The following MSH4 variants were observed in gnomAD, a reference collection of about 807,000 sequenced individuals.
MSH4 encodes the protein mutS homolog 4.
MSH4 carries 106 observed loss-of-function variants against 113.7 expected under a neutral mutation model. The ratio of observed to expected loss-of-function variants is 0.93; its 90% CI spans 0.80 to 1.10. The LOEUF (loss-of-function observed/expected upper bound fraction) is 1.10, where lower values mean the gene tolerates loss of function less well. MSH4 is among the 50% of genes least tolerant of loss of function. The pLI is 0.00. For missense variants in MSH4, 1,061 were observed against 1,093.7 expected (o/e 0.97, Z 0.42); for synonymous variants, 368 against 380.2 (o/e 0.97, Z 0.37).
intron 12 of MSH4, 92 bp from the exon 13 acceptor site, chr1:75,879,958 T>C (rs906890019): frequency 1.1e-5 from 7 of 656,440 alleles, no homozygotes; most frequent in African/African-American, 1.9e-5. Flanking sequence ...GTAAAATGAT[T>C]AACCTAAATA....
chr1:75,800,591 TA>T (rs199743555), intron 1 of MSH4, among the ~76,000 whole-genome samples: 6 of 150,588 alleles, frequency 4.0e-5, no homozygotes, highest in Non-Finnish European at 7.4e-5. Context: ...TTAGTGATGT[TA>T]AAAAAAAAGA....
At chr1:75,817,234 G>A (rs1240991695) in intron 6 of MSH4, among the ~76,000 whole-genome samples, 1 of 152,144 alleles carries the variant, frequency 6.6e-6, no homozygotes, top group Non-Finnish European at 1.5e-5. Flanking sequence ...GAACTTAATA[G>A]ACATTTTCAC....
intron 7 of MSH4, among the ~76,000 whole-genome samples, chr1:75,842,020 A>C (rs1650969787): frequency 1.3e-5 from 2 of 152,226 alleles, no homozygotes; most frequent in Non-Finnish European, 2.9e-5. Context: ...CATGTGCCCA[A>C]GATAGTCGGA....
At chr1:75,891,719 G>T (rs923712850) in intron 17 of MSH4, among the ~76,000 whole-genome samples, 1 of 152,118 alleles carries the variant, frequency 6.6e-6, no homozygotes, top group African/African-American at 2.4e-5. Flanking sequence ...CTCCCAAAGT[G>T]CTGTGATTGC....
chr1:75,881,365 A>G lies in MSH4; in HGVS notation c.1901A>G (p.Asp634Gly). Residue 634 changes from aspartate (D) to glycine (G), a missense_variant, in exon 14 of 20, where the codon GAC (aspartate) becomes GGC (glycine). Asp to Gly is a moderately conservative substitution (Grantham distance 94). Coordinates refer to ENST00000263187, the MANE Select transcript of MSH4 (RefSeq NM_002440.4). ...TTTGCTCATGCCTGCACTCTTTCTGACTATGGTAAGTTGCTTTCTTTGGAA... is the reference window on the plus strand; with the variant it reads ...TTTGCTCATGCCTGCACTCTTTCTGGCTATGGTAAGTTGCTTTCTTTGGAA... ...LSFAHACTLS[D>G]YVRPEFTDTL... 1 of 1,610,972 alleles carries G rather than the reference A, an allele frequency of 6.2e-7. No individual in the cohort carries two copies. The highest frequency in any genetic ancestry group is 8.5e-7 in the Non-Finnish European group (1 of 1,178,876).
intron 7 of MSH4, among the ~76,000 whole-genome samples, chr1:75,830,036 T>G (rs1650646975): frequency 6.6e-6 from 1 of 151,890 alleles, no homozygotes; most frequent in African/African-American, 2.4e-5. Flanking sequence ...AGCTAAAAAC[T>G]TTGAAAAAAG....
At chr1:75,832,198 A>C (rs1188273011) in intron 7 of MSH4, among the ~76,000 whole-genome samples, 2 of 152,194 alleles carry the variant, frequency 1.3e-5, no homozygotes, top group Non-Finnish European at 1.5e-5. Flanking sequence ...GAAATGGATA[A>C]ATTCCCGGAG....
chr1:75,858,558 G>A (rs1320635801), intron 8 of MSH4, among the ~76,000 whole-genome samples: 1 of 152,106 alleles, frequency 6.6e-6, no homozygotes, highest in Middle Eastern at 3.2e-3. Flanking sequence ...TTTTTGTGAT[G>A]GATTATGTTT....
At chr1:75,888,986 C>T (rs5745498) in intron 15 of MSH4, among the ~76,000 whole-genome samples, 3,807 of 151,662 alleles carry the variant, frequency 0.025, 71 homozygotes, top group Non-Finnish European at 0.036. Context: ...GCTCCGCCTC[C>T]CGGGTTCACG....
intron 15 of MSH4, among the ~76,000 whole-genome samples, chr1:75,885,415 C>T (rs1570988241): frequency 8.3e-6 from 1 of 119,886 alleles, no homozygotes; most frequent in Admixed American, 1.1e-4. Flanking sequence ...CCACCTCCCA[C>T]CTCAGTTGGT....
intron 9 of MSH4, among the ~76,000 whole-genome samples, chr1:75,872,808 C>G (rs1208729427): frequency 6.6e-6 from 1 of 152,240 alleles, no homozygotes; most frequent in Non-Finnish European, 1.5e-5. Flanking sequence ...GATTGAGCAT[C>G]TGCTGATCAT....
intron 8 of MSH4, among the ~76,000 whole-genome samples, chr1:75,853,601 G>A (rs1182568947): frequency 6.6e-6 from 1 of 151,962 alleles, no homozygotes; most frequent in Non-Finnish European, 1.5e-5. Flanking sequence ...TAAATATTTT[G>A]CTCTTCTTTC....
intron 7 of MSH4, among the ~76,000 whole-genome samples, chr1:75,828,813 A>T (rs576318348): frequency 2.6e-5 from 4 of 152,234 alleles, no homozygotes; most frequent in South Asian, 2.1e-4. Context: ...AATTTTTTTT[A>T]AAAAGGAAAA....
At chr1:75,802,590 G>C (rs1246421704) in intron 1 of MSH4, among the ~76,000 whole-genome samples, 1 of 152,140 alleles carries the variant, frequency 6.6e-6, no homozygotes, top group African/African-American at 2.4e-5. Flanking sequence ...GCTTACATCA[G>C]TAGATAAGTA....
intron 8 of MSH4, among the ~76,000 whole-genome samples, chr1:75,857,402 AG>A (rs1651343074): frequency 6.6e-6 from 1 of 152,128 alleles, no homozygotes; most frequent in Non-Finnish European, 1.5e-5. Context: ...GTTTTCTTCT[AG>A]GGTTTTTATG....
chr1:75,812,000 A>G (rs541562084), intron 4 of MSH4, among the ~76,000 whole-genome samples: 3 of 152,158 alleles, frequency 2.0e-5, no homozygotes, highest in Admixed American at 6.5e-5. Context: ...GTTCTTTTTC[A>G]TTTATAACTT....
At chr1:75,842,434 A>T (rs1258847967) in intron 7 of MSH4, among the ~76,000 whole-genome samples, 2 of 152,190 alleles carry the variant, frequency 1.3e-5, no homozygotes, top group African/African-American at 4.8e-5. Flanking sequence ...CGAGGACAGG[A>T]GCTGTTCCAG....
At chr1:75,821,733 T>C (rs930380286) in intron 6 of MSH4, among the ~76,000 whole-genome samples, 1 of 152,186 alleles carries the variant, frequency 6.6e-6, no homozygotes, top group Non-Finnish European at 1.5e-5. Context: ...CTCAGCCTCC[T>C]GACTAACTGG....
chr1:75,907,716 ATATG>A (rs1188441146), intron 19 of MSH4, among the ~76,000 whole-genome samples: 4 of 112,164 alleles, frequency 3.6e-5, no homozygotes, highest in Non-Finnish European at 7.6e-5. Context: ...ATATATATAT[ATATG>A]TATAAAATCT....
Sources: gnomAD v4.1 joint callset for allele counts (sites outside exome capture counted in the v4.1 genomes callset) on GRCh38, gnomAD v4.1.1 for gene constraint, MANE v1.5 for transcripts, NCBI Gene and HGNC (gene_info 2026-07-23, HGNC 2026-07-21) for gene names.